The following GRXCR1 variants were observed in gnomAD, a reference collection of about 807,000 sequenced individuals.
GRXCR1 encodes glutaredoxin domain-containing cysteine-rich protein 1.
In GRXCR1, 27 loss-of-function variants were observed where a neutral mutation model predicts 27.3. That is an observed-to-expected ratio of 0.99 (90% confidence interval 0.73 to 1.37). GRXCR1 has a LOEUF of 1.37. GRXCR1 is among the 40% of genes most tolerant of loss of function. The pLI is 0.00. For missense variants in GRXCR1, 379 were observed against 354.4 expected (o/e 1.07, Z -0.56); for synonymous variants, 122 against 131.1 (o/e 0.93, Z 0.47).
chr4:42,915,094 A>C (rs1170338439), intron 1 of GRXCR1, among the ~76,000 whole-genome samples: 1 of 152,136 alleles, frequency 6.6e-6, no homozygotes, highest in Non-Finnish European at 1.5e-5. Flanking sequence ...GAACTAATAC[A>C]ATTTGCTACG....
At chr4:42,921,601 A>G (rs1747012341) in intron 1 of GRXCR1, among the ~76,000 whole-genome samples, 1 of 151,988 alleles carries the variant, frequency 6.6e-6, no homozygotes, top group Non-Finnish European at 1.5e-5. Context: ...CCCTCTCTAA[A>G]CAGCTTATTT....
intron 1 of GRXCR1, among the ~76,000 whole-genome samples, chr4:42,913,813 T>C (rs192137397): frequency 4.3e-4 from 66 of 152,298 alleles, no homozygotes; most frequent in African/African-American, 1.4e-3. Context: ...CCCGCTTCTC[T>C]ATACAGCCTC....
intron 1 of GRXCR1, among the ~76,000 whole-genome samples, chr4:42,943,441 G>A (rs1451876140): frequency 2.0e-5 from 3 of 151,950 alleles, no homozygotes; most frequent in Non-Finnish European, 4.4e-5. Context: ...TTTATGGATC[G>A]CTAGAAGTAC....
intron 1 of GRXCR1, among the ~76,000 whole-genome samples, chr4:42,946,386 C>T (rs1457552877): frequency 1.3e-5 from 2 of 152,238 alleles, no homozygotes; most frequent in South Asian, 2.1e-4. Flanking sequence ...TCTTATGTCA[C>T]ATTGTGTTAT....
chr4:42,960,207 T>C lies in GRXCR1; in HGVS notation c.385-2685T>C, dbSNP rs116673210. 7.0e-3 allele frequency among the ~76,000 whole-genome samples: 1,064 copies of C among 152,116 alleles called. 17 individuals are homozygous for C. Among genetic ancestry groups the C allele is most frequent in the East Asian group, 0.062 (322 of 5,160 alleles). On this transcript the variant is annotated intron_variant, in intron 1 of 3. Transcript: ENST00000399770. ...CACTTTGACACATCTGGGAAAAGTA[T>C]TTCAGAACAAATAATTCAGAAGTAA...
At chr4:42,996,100 A>G (rs1434928268) in intron 2 of GRXCR1, among the ~76,000 whole-genome samples, 1 of 152,198 alleles carries the variant, frequency 6.6e-6, no homozygotes. Context: ...TGCACAAAAA[A>G]TTATATATTT....
At chr4:42,970,426 G>C (rs1748358385) in intron 2 of GRXCR1, among the ~76,000 whole-genome samples, 2 of 152,118 alleles carry the variant, frequency 1.3e-5, no homozygotes, top group Non-Finnish European at 2.9e-5. Flanking sequence ...TGGACATCCA[G>C]GCGTTTCCTT....
intron 1 of GRXCR1, among the ~76,000 whole-genome samples, chr4:42,929,246 T>G (rs771097585): frequency 1.3e-5 from 2 of 151,936 alleles, no homozygotes; most frequent in Non-Finnish European, 2.9e-5. Context: ...AGAGGCACCA[T>G]TTGTCTATGG....
chr4:42,908,724 G>A (rs1450015893), intron 1 of GRXCR1, among the ~76,000 whole-genome samples: 1 of 152,178 alleles, frequency 6.6e-6, no homozygotes, highest in Non-Finnish European at 1.5e-5. Context: ...ACAAGGAATG[G>A]TGGTGAGCGG....
intron 1 of GRXCR1, among the ~76,000 whole-genome samples, chr4:42,961,911 G>T (rs143128788): frequency 6.6e-6 from 1 of 151,924 alleles, no homozygotes. Context: ...CAGGGGTTTT[G>T]CAAATTGTGT....
Position 42,952,397 on chromosome 4 carries a change from T to C in GRXCR1, c.385-10495T>C, listed in dbSNP as rs187275800. Among the ~76,000 whole-genome samples the C allele has an allele frequency of 1.9e-3, 283 of 152,174 alleles. 1 individual carries two copies. Among genetic ancestry groups the C allele is most frequent in the African/African-American group, 6.7e-3 (278 of 41,542 alleles). ...CACCTGGGGGATTGAGGCACTGACC[T>C]CGTGAAGGGGCCTACACAAAGCACC... On this transcript the variant is annotated intron_variant, in intron 1 of 3. Transcript: ENST00000399770.
intron 2 of GRXCR1, among the ~76,000 whole-genome samples, chr4:42,986,410 C>T (rs190438890): frequency 3.9e-5 from 6 of 152,138 alleles, no homozygotes; most frequent in Non-Finnish European, 5.9e-5. Context: ...CAATTCTCAT[C>T]CATTTCCTTT....
At chr4:42,904,742 T>C (rs1400147965) in intron 1 of GRXCR1, among the ~76,000 whole-genome samples, 3 of 152,168 alleles carry the variant, frequency 2.0e-5, no homozygotes, top group African/African-American at 7.2e-5. Flanking sequence ...GTGAATCAAA[T>C]ACTACTAAGT....
At chr4:43,008,173 T>A (rs1712625716) in intron 2 of GRXCR1, among the ~76,000 whole-genome samples, 1 of 152,218 alleles carries the variant, frequency 6.6e-6, no homozygotes, top group East Asian at 1.9e-4. Context: ...CTTTTTAGTA[T>A]TTAGTATGTT....
intron 2 of GRXCR1, among the ~76,000 whole-genome samples, chr4:42,974,464 A>T (rs1290764717): frequency 2.0e-5 from 3 of 152,126 alleles, no homozygotes; most frequent in African/African-American, 7.2e-5. Context: ...TTCTGAGGCA[A>T]TTGGTACCAA....
intron 1 of GRXCR1, among the ~76,000 whole-genome samples, chr4:42,924,433 C>G (rs915040278): frequency 1.3e-5 from 2 of 152,028 alleles, no homozygotes; most frequent in African/African-American, 4.8e-5. Context: ...TTTCATTTCA[C>G]AGATAAGAAA....
intron 2 of GRXCR1, among the ~76,000 whole-genome samples, chr4:42,988,189 C>A (rs1412605972): frequency 6.6e-6 from 1 of 152,138 alleles, no homozygotes; most frequent in Non-Finnish European, 1.5e-5. Flanking sequence ...AGAATCCTGG[C>A]TTCATTCTGT....
intron 1 of GRXCR1, among the ~76,000 whole-genome samples, chr4:42,925,193 T>A (rs1441383986): frequency 6.6e-6 from 1 of 151,974 alleles, no homozygotes; most frequent in Non-Finnish European, 1.5e-5. Flanking sequence ...AAAGGTTGGA[T>A]GCCCCTTTAA....
In GRXCR1 at chr4:43,030,518, G is replaced by T. The variant is rs769123480; in HGVS notation, c.851G>T (p.Arg284Leu). The T allele has an allele frequency of 6.2e-7, 1 of 1,614,040 alleles. No individual in the cohort carries two copies. The highest frequency in any genetic ancestry group is 1.7e-5 in the Admixed American group (1 of 60,016). Residue 284 changes from arginine to leucine, a missense_variant, in exon 4 of 4, where the codon CGT becomes CTT. Physicochemically the swap from Arg to Leu is moderately radical, Grantham distance 102. Transcript: ENST00000399770. Reference protein sequence around the residue: ...CTACNENGLQRCKNCAG With the variant: ...CTACNENGLQLCKNCAG ...GCTTGCAATGAAAATGGTCTTCAGC[G>T]TTGTAAGAACTGTGCTGGTTAATTG...
Sources: gnomAD v4.1 joint callset for allele counts (sites outside exome capture counted in the v4.1 genomes callset) on GRCh38, gnomAD v4.1.1 for gene constraint, MANE v1.5 for transcripts, NCBI Gene and HGNC (gene_info 2026-07-23, HGNC 2026-07-21) for gene names.